The following TMPRSS15 variants were observed in gnomAD, a reference collection of about 807,000 sequenced individuals.
TMPRSS15 encodes enteropeptidase.
In TMPRSS15, 128 loss-of-function variants were observed where a neutral mutation model predicts 125.3. The ratio of observed to expected loss-of-function variants is 1.02; its 90% CI spans 0.89 to 1.18. The LOEUF is 1.18. Among genes scored for constraint, TMPRSS15 ranks in the 50% most tolerant of loss-of-function variants. The probability of loss-of-function intolerance (pLI) is 0.00; values close to 1 mark genes in which losing one functional copy is unlikely to be tolerated. For synonymous variants in TMPRSS15, 446 were observed against 423.2 expected (o/e 1.05, Z -0.66); for missense variants, 1,283 against 1,212.7 (o/e 1.06, Z -0.86).
chr21:18,280,005 A>G (rs1300825822), intron 22 of TMPRSS15, among the ~76,000 whole-genome samples: 2 of 152,220 alleles, frequency 1.3e-5, no homozygotes, highest in African/African-American at 4.8e-5. Flanking sequence ...CACAGTGCTT[A>G]TCCTTAAGGA....
At chr21:18,473,407 C>T (rs1184900334) in intron 1 of TMPRSS15, among the ~76,000 whole-genome samples, 3 of 152,018 alleles carry the variant, frequency 2.0e-5, no homozygotes, top group Non-Finnish European at 2.9e-5. Flanking sequence ...TCAGTTGTAT[C>T]GATTATAATC....
In TMPRSS15 at chr21:18,347,233, T is replaced by C. The variant is rs115555652; in HGVS notation, c.1172-3173A>G. 7.3e-3 allele frequency among the ~76,000 whole-genome samples: 1,109 copies of C among 152,226 alleles called. 12 individuals are homozygous for C. Among genetic ancestry groups the C allele is most frequent in the African/African-American group, 0.023 (964 of 41,550 alleles). ...CTCTGATGTCATTCGGCATATTCTG[T>C]CATGTATATATTTTTTTTCTTGAGA... On this transcript the variant is annotated intron_variant, in intron 10 of 24. Coordinates refer to ENST00000284885, the MANE Select transcript of TMPRSS15 (RefSeq NM_002772.3).
chr21:18,421,840 A>G (rs920649479), intron 1 of TMPRSS15, among the ~76,000 whole-genome samples: 1 of 152,192 alleles, frequency 6.6e-6, no homozygotes, highest in African/African-American at 2.4e-5. Flanking sequence ...TATAACTTCA[A>G]CATTCACTGC....
chr21:18,270,317 A>C (rs73206999), intron 24 of TMPRSS15, among the ~76,000 whole-genome samples, 193 bp from the exon 25 acceptor site: 16,107 of 152,212 alleles, frequency 0.11, 1,157 homozygotes, highest in African/African-American at 0.21. Context: ...CAGAGAAACT[A>C]TAACAACTAA....
intron 7 of TMPRSS15, among the ~76,000 whole-genome samples, chr21:18,364,727 G>A (rs1273585683): frequency 1.3e-5 from 2 of 152,180 alleles, no homozygotes; most frequent in African/African-American, 4.8e-5. Context: ...TTAATCTGCT[G>A]TAACTGAATC....
In TMPRSS15 at chr21:18,377,198, G is replaced by A. The variant is rs117577817; in HGVS notation, c.532+2085C>T. On this transcript the variant is annotated intron_variant, in intron 5 of 24. Transcript: ENST00000284885. ...CCTACTTACCTTATAATAATAGTTTGAGAATTGATTAAGGTAATCCAATAC... is the reference window on the plus strand; with the variant it reads ...CCTACTTACCTTATAATAATAGTTTAAGAATTGATTAAGGTAATCCAATAC... Among the ~76,000 whole-genome samples, 158 of 152,264 alleles carry A rather than the reference G, an allele frequency of 1.0e-3. No homozygotes were observed. In the South Asian group the frequency reaches 0.012, roughly 12 times the overall value.
chr21:18,432,995 G>A lies in TMPRSS15; in HGVS notation c.11-34666C>T, dbSNP rs533902087. Among the ~76,000 whole-genome samples the A allele has an allele frequency of 5.3e-5, 8 of 152,000 alleles. No individual in the cohort carries two copies. The South Asian group carries it at 6.2e-4, about 12-fold the overall frequency. The stretch of plus-strand genomic sequence containing the variant: ...GCAAAGATTCCCGTGTACCTTTCTC[G>A]GAAAGATAACTTTGTATCATGGCAA... On this transcript the variant is annotated intron_variant, in intron 1 of 7. Coordinates refer to the TMPRSS15 transcript ENST00000422787.
At position 18,286,405 on chromosome 21, in the gene TMPRSS15, C is replaced by T. The variant is rs1257386864; in HGVS notation, c.2487-5184G>A. On this transcript the variant is annotated intron_variant, in intron 21 of 24. Coordinates refer to ENST00000284885, the MANE Select transcript of TMPRSS15 (RefSeq NM_002772.3). ...CAGTCTAGATTTGTATGTCCATAGG[C>T]TGACATCATTGGCTGATACCAACTT... 2.0e-5 allele frequency among the ~76,000 whole-genome samples: 3 copies of T among 152,180 alleles called. No homozygotes were observed. In the East Asian group the frequency reaches 5.8e-4, roughly 29 times the overall value.
chr21:18,398,052 A>G, intron 2 of TMPRSS15, 106 bp from the exon 3 acceptor site: 1 of 1,249,318 alleles, frequency 8.0e-7, no homozygotes. Context: ...AGTTGGGGCA[A>G]TTTTCTCCAT....
chr21:18,382,176 A>G (rs1420239730), intron 4 of TMPRSS15, among the ~76,000 whole-genome samples: 1 of 152,162 alleles, frequency 6.6e-6, no homozygotes, highest in African/African-American at 2.4e-5. Flanking sequence ...ATTTACCAAA[A>G]GTATCTGTGT....
intron 7 of TMPRSS15, among the ~76,000 whole-genome samples, chr21:18,363,084 T>C (rs2824773): frequency 0.44 from 66,274 of 151,962 alleles, 14,873 homozygotes; most frequent in East Asian, 0.77. Flanking sequence ...TTAAACCTTA[T>C]AGAAAAATTA....
intron 1 of TMPRSS15, among the ~76,000 whole-genome samples, chr21:18,419,579 C>G (rs1270887901): frequency 6.6e-6 from 1 of 152,062 alleles, no homozygotes; most frequent in Non-Finnish European, 1.5e-5. Context: ...TTGGACATAC[C>G]AAAGACCACC....
At chr21:18,416,081 A>G (rs2076179340) in intron 1 of TMPRSS15, among the ~76,000 whole-genome samples, 1 of 152,032 alleles carries the variant, frequency 6.6e-6, no homozygotes, top group Non-Finnish European at 1.5e-5. Flanking sequence ...ATTTAGAAAT[A>G]AGCGTGGGGG....
intron 10 of TMPRSS15, 92 bp from the exon 11 acceptor site, chr21:18,344,152 A>C (rs373858390): frequency 2.4e-5 from 25 of 1,058,470 alleles, no homozygotes; most frequent in East Asian, 7.6e-5. Flanking sequence ...GAAAAACTTT[A>C]AGAAGAAAGG....
In TMPRSS15 at chr21:18,383,607, C is replaced by T; in HGVS notation, c.496+20G>A. The stretch of plus-strand genomic sequence containing the variant: ...TCATAGCTTAATGATTCAAAGAAAT[C>T]AAATAATGTTCACACATACCTAGGA... On this transcript the variant is annotated intron_variant, in intron 4 of 24. Coordinates refer to ENST00000284885, the MANE Select transcript of TMPRSS15 (RefSeq NM_002772.3). 2 of 1,612,136 alleles carry T rather than the reference C, an allele frequency of 1.2e-6. No individual in the cohort carries two copies. The highest frequency in any genetic ancestry group is 4.5e-5 in the East Asian group (2 of 44,840).
intron 1 of TMPRSS15, 23 bp from the exon 2 acceptor site, chr21:18,398,352 AAC>A (rs1205789629): frequency 4.3e-6 from 7 of 1,612,362 alleles, no homozygotes; most frequent in Admixed American, 1.7e-5. Flanking sequence ...ATAAGGAAAA[AAC>A]ACTAAGATTT....
chr21:18,406,447 A>T (rs984199374), upstream of TMPRSS15, among the ~76,000 whole-genome samples: 1 of 152,148 alleles, frequency 6.6e-6, no homozygotes, highest in African/African-American at 2.4e-5. Context: ...GCTTACAAAT[A>T]AAAAACACTC....
chr21:18,276,981 G>A (rs2074630222), intron 23 of TMPRSS15, among the ~76,000 whole-genome samples: 1 of 151,804 alleles, frequency 6.6e-6, no homozygotes, highest in Admixed American at 6.6e-5. Context: ...GGCCAGGCTG[G>A]TCTCAAACTC....
chr21:18,469,396 AT>A (rs575111408), intron 1 of TMPRSS15, among the ~76,000 whole-genome samples: 1 of 151,990 alleles, frequency 6.6e-6, no homozygotes, highest in Admixed American at 6.6e-5. Context: ...TTCAGGCAAC[AT>A]TTTTTTGTCA....
Sources: allele counts gnomAD v4.1 joint callset (sites outside exome capture counted in the v4.1 genomes callset), GRCh38; gene constraint gnomAD v4.1.1; transcripts MANE v1.5; gene names NCBI Gene and HGNC (gene_info 2026-07-23, HGNC 2026-07-21).